GFRA1: variants seen among roughly 807,000 people sequenced by gnomAD.
The protein encoded by GFRA1 is GDNF family receptor alpha-1.
Under a neutral mutation model 51.6 loss-of-function variants are expected in GFRA1, and 16 were observed. The observed-to-expected ratio is 0.31, with a 90% confidence interval of 0.21 to 0.47. The LOEUF (loss-of-function observed/expected upper bound fraction) is 0.47, where lower values mean the gene tolerates loss of function less well. GFRA1 is among the 20% of genes least tolerant of loss of function. GFRA1 has a pLI of 1.00. For synonymous variants in GFRA1, 270 were observed against 241.3 expected, an observed-to-expected ratio of 1.12 and a Z score of -1.10; for missense variants, 530 against 594.3, an observed-to-expected ratio of 0.89 and a Z score of 1.13.
rs1463935720 is a variant in GFRA1 at position 116,123,900 on chromosome 10, G to A, written c.770+1321C>T. 3.9e-5 allele frequency among the ~76,000 whole-genome samples: 6 copies of A among 152,090 alleles called. No individual in the cohort carries two copies. In the East Asian group the frequency reaches 1.2e-3, roughly 29 times the overall value. On this transcript the variant is annotated intron_variant, in intron 6 of 10. Coordinates refer to ENST00000355422, the MANE Select transcript of GFRA1 (RefSeq NM_005264.8). Reference sequence around the variant, plus strand: ...ACCTACGTCTATATTGCTGTTTGTGGTTTATGTTTGTTGGTTTGTTTGTTT... The same window carrying A: ...ACCTACGTCTATATTGCTGTTTGTGATTTATGTTTGTTGGTTTGTTTGTTT...
intron 4 of GFRA1, among the ~76,000 whole-genome samples, chr10:116,228,905 C>T (rs1589890734): frequency 7.1e-6 from 1 of 140,626 alleles, no homozygotes; most frequent in African/African-American, 2.6e-5. Context: ...TGCTTGAACC[C>T]GGGAGATGCA....
intron 6 of GFRA1, among the ~76,000 whole-genome samples, chr10:116,097,420 G>C (rs926682062): frequency 1.3e-5 from 2 of 152,196 alleles, no homozygotes; most frequent in African/African-American, 4.8e-5. Context: ...GCCTGGAGAG[G>C]CTGCTGCAAG....
rs1380028323 is a variant in GFRA1 at position 116,258,395 on chromosome 10, A to T, written c.418+11108T>A. Among the ~76,000 whole-genome samples, 26 of 87,270 alleles carry T rather than the reference A, an allele frequency of 3.0e-4. No individual in the cohort carries two copies. The Admixed American group carries it at 3.7e-3, about 12-fold the overall frequency. 57.3% of individuals were successfully genotyped at this position (87,270 alleles called of 152,430 possible). ...ATAATATCTAATATATTAATTAATAAAATAAAATATATTATATTAATAAAA... is the reference window on the plus strand; with the variant it reads ...ATAATATCTAATATATTAATTAATATAATAAAATATATTATATTAATAAAA... On this transcript the variant is annotated intron_variant, in intron 4 of 10. Coordinates refer to ENST00000355422, the MANE Select transcript of GFRA1 (RefSeq NM_005264.8).
At chr10:116,135,290 G>T (rs758243238) in intron 5 of GFRA1, among the ~76,000 whole-genome samples, 1 of 152,080 alleles carries the variant, frequency 6.6e-6, no homozygotes, top group Non-Finnish European at 1.5e-5. Context: ...TTATAATTAC[G>T]GTGTATAAAT....
intron 5 of GFRA1, among the ~76,000 whole-genome samples, chr10:116,154,426 T>C (rs1356291055): frequency 6.6e-6 from 1 of 152,236 alleles, no homozygotes; most frequent in African/African-American, 2.4e-5. Flanking sequence ...GACTGAGTCC[T>C]ATGAACTCAT....
At chr10:116,100,954 G>A (rs1956796414) in intron 6 of GFRA1, among the ~76,000 whole-genome samples, 1 of 152,184 alleles carries the variant, frequency 6.6e-6, no homozygotes, top group East Asian at 1.9e-4. Context: ...GGGCCCTGGT[G>A]GGAAAGATGG....
At chr10:116,223,422 G>A (rs1233296287) in intron 4 of GFRA1, among the ~76,000 whole-genome samples, 1 of 152,202 alleles carries the variant, frequency 6.6e-6, no homozygotes, top group Non-Finnish European at 1.5e-5. Flanking sequence ...GTCTTTCAGA[G>A]CACAGGCCTT....
intron 4 of GFRA1, among the ~76,000 whole-genome samples, chr10:116,251,896 A>T (rs1255330137): frequency 6.6e-6 from 1 of 150,730 alleles, no homozygotes; most frequent in Non-Finnish European, 1.5e-5. Context: ...GAGGGAGGGC[A>T]AAAGAGGCTT....
intron 9 of GFRA1, among the ~76,000 whole-genome samples, chr10:116,070,335 C>T (rs1018699066): frequency 2.0e-5 from 3 of 152,200 alleles, no homozygotes; most frequent in Non-Finnish European, 2.9e-5. Context: ...TGTCAATACC[C>T]GTTTATTAGC....
intron 5 of GFRA1, among the ~76,000 whole-genome samples, chr10:116,185,689 G>A (rs1962639308): frequency 6.6e-6 from 1 of 152,112 alleles, no homozygotes; most frequent in Non-Finnish European, 1.5e-5. Context: ...TCCCATGCGT[G>A]GCTTCTCCCC....
intron 5 of GFRA1, among the ~76,000 whole-genome samples, chr10:116,178,995 C>A (rs968470325): frequency 6.6e-5 from 10 of 152,124 alleles, no homozygotes; most frequent in African/African-American, 2.4e-4. Context: ...GGTTGGATCC[C>A]ATCTGCTCCC....
rs1030875490 is a variant in GFRA1, at chr10:116,062,039, A to G, written c.*2359T>C. 4 of 398,482 alleles carry G rather than the reference A, an allele frequency of 1.0e-5. No homozygotes were observed. The highest frequency in any genetic ancestry group is 1.8e-5 in the Non-Finnish European group (4 of 226,058). 24.7% of individuals were successfully genotyped at this position (398,482 alleles called of 1,614,324 possible). A position where few individuals can be genotyped will look rare whatever the true frequency, so the allele number is the denominator to read the frequency against. ...AAGAAAAATGAGATATTTGTTGGTG[A>G]CAGATGAGGCTTTTCAAAATGTAAT... On this transcript the variant is annotated 3_prime_UTR_variant, in exon 11 of 11. Coordinates refer to ENST00000355422, the MANE Select transcript of GFRA1 (RefSeq NM_005264.8).
At chr10:116,225,629 G>C (rs989541376) in intron 4 of GFRA1, among the ~76,000 whole-genome samples, 9 of 142,000 alleles carry the variant, frequency 6.3e-5, no homozygotes, top group Non-Finnish European at 1.1e-4. Flanking sequence ...TTGCTCTATT[G>C]TCCAGGCTGG....
intron 4 of GFRA1, among the ~76,000 whole-genome samples, chr10:116,217,750 T>G (rs1331209571): frequency 6.6e-6 from 1 of 152,192 alleles, no homozygotes; most frequent in Non-Finnish European, 1.5e-5. Flanking sequence ...GATTTTCTCA[T>G]CAGCAACATG....
intron 5 of GFRA1, among the ~76,000 whole-genome samples, chr10:116,144,135 A>T (rs939533349): frequency 5.9e-5 from 9 of 152,206 alleles, no homozygotes; most frequent in African/African-American, 1.4e-4. Context: ...TGATTCTGCT[A>T]GACCATGTTT....
At chr10:116,094,301 T>C (rs1328510804) in intron 7 of GFRA1, among the ~76,000 whole-genome samples, 1 of 152,206 alleles carries the variant, frequency 6.6e-6, no homozygotes, top group African/African-American at 2.4e-5. Flanking sequence ...AGAAGCTTCC[T>C]AGCGGTTAGC....
chr10:116,166,832 C>T lies in GFRA1; in HGVS notation c.434-41275G>A, dbSNP rs1358614060. Among the ~76,000 whole-genome samples the T allele has an allele frequency of 4.3e-5, 5 of 116,830 alleles. No homozygotes were observed. In the East Asian group the frequency reaches 1.4e-3, roughly 32 times the overall value. The allele number at this position is 116,830 out of a possible 152,430, so 76.6% of individuals were successfully genotyped here. On this transcript the variant is annotated intron_variant, in intron 5 of 10. Transcript: ENST00000355422. The stretch of plus-strand genomic sequence containing the variant: ...TTTTTTTTGTTGAGACGGAGTCTCC[C>T]TCTGTGGCCCAGGCTGGAGTGCAGC...
chr10:116,127,177 T>C (rs1057248711), intron 5 of GFRA1, among the ~76,000 whole-genome samples: 3 of 152,080 alleles, frequency 2.0e-5, no homozygotes, highest in African/African-American at 7.2e-5. Context: ...GTTCTAGAGA[T>C]CTGCTCTATA....
intron 4 of GFRA1, among the ~76,000 whole-genome samples, chr10:116,246,353 C>G (rs1407875972): frequency 6.6e-6 from 1 of 152,144 alleles, no homozygotes; most frequent in Non-Finnish European, 1.5e-5. Context: ...ATCGCTTGAA[C>G]CCGGGAGGCA....
Sources: allele counts gnomAD v4.1 joint callset (sites outside exome capture counted in the v4.1 genomes callset), GRCh38; gene constraint gnomAD v4.1.1; transcripts MANE v1.5; gene names NCBI Gene and HGNC (gene_info 2026-07-23, HGNC 2026-07-21).